ANO7: variants seen among roughly 807,000 people sequenced by gnomAD.
ANO7 encodes the protein anoctamin 7.
ANO7 carries 114 observed loss-of-function variants against 115.8 expected under a neutral mutation model. The ratio of observed to expected loss-of-function variants is 0.98; its 90% CI spans 0.85 to 1.15. The LOEUF (loss-of-function observed/expected upper bound fraction) is 1.15, where lower values mean the gene tolerates loss of function less well. Among genes scored for constraint, ANO7 ranks in the 50% most tolerant of loss-of-function variants. The pLI, the probability that ANO7 is intolerant of heterozygous loss-of-function variation, is 0.00. For missense variants in ANO7, 1,302 were observed against 1,201.2 expected (o/e 1.08, Z -1.24); for synonymous variants, 550 against 498.2 (o/e 1.10, Z -1.38).
downstream of ANO7, chr2:241,229,714 G>A (rs1307776161): frequency 6.2e-7 from 1 of 1,612,780 alleles, no homozygotes. Context: ...CACGGCTTCA[G>A]GAGGGGATGC....
chr2:241,199,016 G>T, intron 4 of ANO7: 1 of 397,028 alleles, frequency 2.5e-6, no homozygotes, highest in South Asian at 2.6e-5. Context: ...AGTCTGGCCA[G>T]CAGGGCAAGG....
At chr2:241,210,645 C>T (rs1266854452) in intron 15 of ANO7, 75 bp downstream of exon 15, 12 of 1,141,780 alleles carry the variant, frequency 1.1e-5, no homozygotes, top group Non-Finnish European at 1.6e-5. Flanking sequence ...GTGACTTTCT[C>T]ACTCACTGAC....
the ANO7 span, chr2:241,235,124 G>A: frequency 1.2e-6 from 2 of 1,612,798 alleles, no homozygotes; most frequent in Admixed American, 1.7e-5. Context: ...TGCTCACCCG[G>A]TCCTCCTGCT....
At position 241,195,617 on chromosome 2, in the gene ANO7, G is replaced by A. The variant is rs555445447; in HGVS notation, c.167-86G>A. Reference sequence around the variant, plus strand: ...GTCCAAGTGCATGGCTCCCCACTGCGTCCCGGCTGGGATGCTGGCATCCCT... The same window carrying A: ...GTCCAAGTGCATGGCTCCCCACTGCATCCCGGCTGGGATGCTGGCATCCCT... On this transcript the variant is annotated intron_variant, in intron 3 of 24. Transcript: ENST00000674324. The A allele has an allele frequency of 9.0e-4, 1,234 of 1,370,112 alleles. 29 individuals are homozygous for A. In the South Asian group the frequency reaches 0.013, roughly 15 times the overall value. 84.9% of individuals were successfully genotyped at this position (1,370,112 alleles called of 1,614,324 possible).
In ANO7 at chr2:241,209,626, C is replaced by T. The variant is rs1412658619; in HGVS notation, c.1350C>T (p.Ile450=). The change falls in exon 13 of 25, where the codon ATC becomes ATT. Residue 450 remains isoleucine, a synonymous_variant. Transcript: ENST00000674324. ...GCATGCTGGCCGGCTCTGTGGTGAT[C>T]GTGGTGATGGTATGCGGTCCCCCTG... The part of the protein sequence containing the change: ...ARRMLAGSVV[I]VVMVAVVVMC... 2.0e-5 allele frequency: 32 copies of T among 1,562,878 alleles called. No individual in the cohort carries two copies. The highest frequency in any genetic ancestry group is 9.0e-5 in the East Asian group (4 of 44,436).
chr2:241,235,946 A>G, the ANO7 span, among the ~76,000 whole-genome samples: 1 of 152,038 alleles, frequency 6.6e-6, no homozygotes, highest in Non-Finnish European at 1.5e-5. Flanking sequence ...GGACTCTCGG[A>G]CCACTACTCA....
At chr2:241,201,406 G>A in intron 7 of ANO7, 51 bp downstream of exon 7, 4 of 1,580,584 alleles carry the variant, frequency 2.5e-6, no homozygotes, top group Non-Finnish European at 3.5e-6. Context: ...TGGCTCTGAG[G>A]ATCCTGCCAG....
At chr2:241,208,937 CAGA>C (rs1232717146) in intron 11 of ANO7, among the ~76,000 whole-genome samples, 7 of 152,062 alleles carry the variant, frequency 4.6e-5, no homozygotes, top group Admixed American at 2.6e-4. Context: ...ATCACAAGGT[CAGA>C]AGATCGAGAC....
At chr2:241,209,766 A>T in intron 13 of ANO7, 131 bp downstream of exon 13, 2 of 1,297,326 alleles carry the variant, frequency 1.5e-6, no homozygotes, top group Non-Finnish European at 2.0e-6. Flanking sequence ...CTCCCCGCAG[A>T]GAGGCCCCCA....
chr2:241,235,545 C>T, the ANO7 span: 7 of 1,614,048 alleles, frequency 4.3e-6, no homozygotes, highest in East Asian at 2.2e-5. Flanking sequence ...AATAACGTAA[C>T]GGTGAAGGTC....
the ANO7 span, chr2:241,236,295 A>G: frequency 2.8e-6 from 1 of 362,612 alleles, no homozygotes; most frequent in Non-Finnish European, 5.1e-6. Flanking sequence ...AGACGTTGCA[A>G]CTGGAGGTCA....
rs541188437 is a variant in ANO7, at chr2:241,214,972, C to T, written c.1826+70C>T. On this transcript the variant is annotated intron_variant, in intron 18 of 24. Transcript: ENST00000674324. ...ACCCCAGAGCACCTGGCAGTAGCAG[C>T]CTCCAGCCCGGCCCTAGCTGGGAGA... The T allele has an allele frequency of 1.2e-5, 17 of 1,395,076 alleles. No homozygotes were observed. The African/African-American group carries it at 2.0e-4, about 16-fold the overall frequency. The allele number at this position is 1,395,076 out of a possible 1,614,324, so 86.4% of individuals were successfully genotyped here.
intron 3 of ANO7, among the ~76,000 whole-genome samples, chr2:241,191,607 A>G (rs1449937730): frequency 2.6e-5 from 4 of 151,924 alleles, no homozygotes; most frequent in South Asian, 2.1e-4. Context: ...GTACCTTCAA[A>G]ATCTCTTTGA....
the ANO7 span, chr2:241,240,033 C>A: frequency 1.2e-6 from 2 of 1,614,200 alleles, no homozygotes; most frequent in East Asian, 4.5e-5. This position sits in a 1 kb window ranked among gnomAD's most constrained non-coding sequence, Gnocchi z 5.5. Flanking sequence ...TGCTGTCGCG[C>A]ACCTTGCGAA....
intron 4 of ANO7, 35 bp from the exon 5 acceptor site, chr2:241,199,281 C>A: frequency 1.3e-6 from 2 of 1,584,856 alleles, no homozygotes; most frequent in African/African-American, 1.3e-5. Flanking sequence ...CACACATGCA[C>A]CCTCAGGCTC....
At chr2:241,236,990 G>C in the ANO7 span, among the ~76,000 whole-genome samples, 5 of 147,662 alleles carry the variant, frequency 3.4e-5, no homozygotes, top group South Asian at 2.2e-4. Context: ...GGGGGGGGGG[G>C]GGGGCGGCAA....
chr2:241,237,426 A>G, the ANO7 span, among the ~76,000 whole-genome samples: 1 of 152,236 alleles, frequency 6.6e-6, no homozygotes, highest in Non-Finnish European at 1.5e-5. Flanking sequence ...GTCACAAAAC[A>G]GACACAACAA....
chr2:241,223,891 T>C lies in ANO7; in HGVS notation c.2533-14T>C. On this transcript the variant is annotated splice_polypyrimidine_tract_variant and intron_variant, in intron 23 of 24. Coordinates refer to ENST00000674324, the MANE Select transcript of ANO7 (RefSeq NM_001370694.2). ...CACATCCCTCTTCCTCTTGCTGCCC[T>C]TTTTTGGGGACAGGTTCTTTTTGGA... The C allele has an allele frequency of 6.2e-7, 1 of 1,606,592 alleles. No individual in the cohort carries two copies. The highest frequency in any genetic ancestry group is 1.1e-5 in the South Asian group (1 of 90,926).
chr2:241,212,317 C>G, intron 16 of ANO7, 112 bp downstream of exon 16: 1 of 1,157,664 alleles, frequency 8.6e-7, no homozygotes, highest in Non-Finnish European at 1.3e-6. Context: ...AGGTGGAGGA[C>G]GGAACCGGAG....
Sources: gnomAD v4.1 joint callset for allele counts (sites outside exome capture counted in the v4.1 genomes callset) on GRCh38, gnomAD v4.1.1 for gene constraint, Gnocchi (gnomAD v3.1) non-coding constraint, MANE v1.5 for transcripts, NCBI Gene and HGNC (gene_info 2026-07-23, HGNC 2026-07-21) for gene names.